Variants in C8A observed in about 807,000 individuals in gnomAD.
The protein encoded by C8A is complement C8 alpha chain.
Under a neutral mutation model 65.3 loss-of-function variants are expected in C8A, and 67 were observed. The ratio of observed to expected loss-of-function variants is 1.03; its 90% confidence interval spans 0.84 to 1.26. C8A has a LOEUF of 1.26. Among genes scored for constraint, C8A ranks in the 50% most tolerant of loss-of-function variants. The pLI, the probability that C8A is intolerant of heterozygous loss-of-function variation, is 0.00. For missense variants in C8A, 781 were observed against 723.9 expected (o/e 1.08, Z -0.90); for synonymous variants, 290 against 259.4 (o/e 1.12, Z -1.13).
intron 7 of C8A, 46 bp downstream of exon 7, chr1:56,886,213 C>T (rs777586763): frequency 6.2e-7 from 1 of 1,611,054 alleles, no homozygotes; most frequent in Non-Finnish European, 8.5e-7. Flanking sequence ...AACACAGACA[C>T]CAGGTCATGG....
At chr1:56,899,540 A>C (rs946800102) in intron 7 of C8A, among the ~76,000 whole-genome samples, 2 of 152,172 alleles carry the variant, frequency 1.3e-5, no homozygotes, top group Non-Finnish European at 2.9e-5. Context: ...GAATATCTCC[A>C]CCCAGTACAT....
chr1:56,868,052 G>C (rs1421301808), intron 2 of C8A, among the ~76,000 whole-genome samples: 2 of 152,054 alleles, frequency 1.3e-5, no homozygotes, highest in African/African-American at 2.4e-5. Context: ...AAAATACAAA[G>C]CTGCCCATGA....
At chr1:56,884,561 A>G (rs765668221) in intron 6 of C8A, among the ~76,000 whole-genome samples, 6 of 152,216 alleles carry the variant, frequency 3.9e-5, no homozygotes, top group Non-Finnish European at 8.8e-5. Context: ...CCAAAGAATT[A>G]GCTATTGAGC....
chr1:56,863,974 T>G (rs1444686766), intron 1 of C8A, among the ~76,000 whole-genome samples: 1 of 152,006 alleles, frequency 6.6e-6, no homozygotes, highest in African/African-American at 2.4e-5. Flanking sequence ...CTGAGCACTT[T>G]CCATGGGTCT....
Position 56,855,049 on chromosome 1 carries a change from T to C in C8A, c.77+71T>C, listed in dbSNP as rs188012019. ...CTGCTGGGGAACTAAGACACTTTTA[T>C]GTTTGCAGCAGAGGCTGTGTTAGAA... On this transcript the variant is annotated intron_variant, in intron 1 of 10. Coordinates refer to ENST00000361249, the MANE Select transcript of C8A (RefSeq NM_000562.3). 6.9e-4 allele frequency: 780 copies of C among 1,127,744 alleles called. 1 individual carries two copies. The highest frequency in any genetic ancestry group is 9.5e-4 in the Non-Finnish European group (705 of 742,938). 69.9% of individuals were successfully genotyped at this position (1,127,744 alleles called of 1,614,324 possible).
At chr1:56,878,826 T>C (rs1346641653) in intron 4 of C8A, among the ~76,000 whole-genome samples, 1 of 152,202 alleles carries the variant, frequency 6.6e-6, no homozygotes, top group Non-Finnish European at 1.5e-5. Flanking sequence ...AAAAACTGCA[T>C]TGACAATATG....
At chr1:56,883,811 C>T in intron 6 of C8A, 130 bp downstream of exon 6, 1 of 755,368 alleles carries the variant, frequency 1.3e-6, no homozygotes, top group Non-Finnish European at 2.2e-6. Flanking sequence ...AATGTCTGAT[C>T]AGTGGTAATC....
intron 7 of C8A, among the ~76,000 whole-genome samples, chr1:56,898,755 C>A (rs932595165): frequency 7.9e-5 from 12 of 152,066 alleles, no homozygotes; most frequent in African/African-American, 2.7e-4. Context: ...GAGCATGGCC[C>A]ACAGCAGAGA....
rs1553175628 is a variant in C8A, at chr1:56,885,420, A to ATT, written c.856-506_856-505insTT. Among the ~76,000 whole-genome samples, 3 of 85,930 alleles carry ATT rather than the reference A, an allele frequency of 3.5e-5. 1 individual carries two copies. Among genetic ancestry groups the ATT allele is most frequent in the South Asian group, 8.7e-4 (2 of 2,306 alleles). 56.4% of individuals were successfully genotyped at this position (85,930 alleles called of 152,430 possible). A position where few individuals can be genotyped will look rare whatever the true frequency, so the allele number is the denominator to read the frequency against. On this transcript the variant is annotated intron_variant, in intron 6 of 10. Transcript: ENST00000361249. ...AATAAATATATATTTATTTAAATATATATTTAAATATATATTTAAGTAAAT... is the reference window on the plus strand; with the variant it reads ...AATAAATATATATTTATTTAAATATATTTATTTAAATATATATTTAAGTAAAT...
chr1:56,854,980 T>G lies in C8A; in HGVS notation c.77+2T>G. The G allele has an allele frequency of 1.9e-6, 3 of 1,611,902 alleles. No homozygotes were observed. Among genetic ancestry groups the G allele is most frequent in the East Asian group, 2.2e-5 (1 of 44,854 alleles). ...AACTGCACAGGAGAAGGTGAACCAG[T>G]AAGTGGGCCATATGTCTCTGCAAAA... On this transcript the variant is annotated splice_donor_variant, in intron 1 of 10. Coordinates refer to ENST00000361249, the MANE Select transcript of C8A (RefSeq NM_000562.3). LOFTEE classifies it high-confidence loss of function.
In C8A at chr1:56,887,983, G is replaced by A. The variant is rs568561655; in HGVS notation, c.1096+1816G>A. On this transcript the variant is annotated intron_variant, in intron 7 of 10. Coordinates refer to ENST00000361249, the MANE Select transcript of C8A (RefSeq NM_000562.3). ...GAATATCACACACCAGGGCCTGTCG[G>A]GGATGGGGGGCTAGGGGAGGGATAG... 2.0e-3 allele frequency among the ~76,000 whole-genome samples: 303 copies of A among 152,222 alleles called. 1 individual carries two copies. Among genetic ancestry groups the A allele is most frequent in the Non-Finnish European group, 3.5e-3 (238 of 68,002 alleles).
chr1:56,909,181 A>G (rs1292819815), intron 9 of C8A, among the ~76,000 whole-genome samples: 1 of 152,206 alleles, frequency 6.6e-6, no homozygotes, highest in Non-Finnish European at 1.5e-5. Context: ...TTGCCAAACT[A>G]TTTCTGTCCA....
chr1:56,875,676 G>C (rs1007267377), intron 3 of C8A, among the ~76,000 whole-genome samples: 22 of 152,154 alleles, frequency 1.4e-4, no homozygotes, highest in Non-Finnish European at 1.5e-5. Flanking sequence ...AATGTTTGCA[G>C]CATCAGGGCT....
rs1266496789 is a variant in C8A, at chr1:56,917,937, A to G, written c.*221A>G. The stretch of plus-strand genomic sequence containing the variant: ...ATTCAGCAACTGGATGTTGACTGTT[A>G]ACTAGAAGCTCTGTCCTACTTACAG... On this transcript the variant is annotated 3_prime_UTR_variant, in exon 11 of 11. Transcript: ENST00000361249. The G allele has an allele frequency of 1.8e-6, 1 of 552,572 alleles. No individual in the cohort carries two copies. The highest frequency in any genetic ancestry group is 3.1e-5 in the Admixed American group (1 of 31,826). The allele number at this position is 552,572 out of a possible 1,614,324, so 34.2% of individuals were successfully genotyped here. A position where few individuals can be genotyped will look rare whatever the true frequency, so the allele number is the denominator to read the frequency against.
At chr1:56,877,369 C>G (rs908893068) in intron 4 of C8A, among the ~76,000 whole-genome samples, 5 of 152,050 alleles carry the variant, frequency 3.3e-5, no homozygotes, top group African/African-American at 1.2e-4. Context: ...TGACTTAGTC[C>G]CCTCCCATTG....
chr1:56,872,732 G>T (rs561813509), intron 2 of C8A, among the ~76,000 whole-genome samples: 1 of 152,102 alleles, frequency 6.6e-6, no homozygotes, highest in African/African-American at 2.4e-5. Context: ...AGATATATTT[G>T]GCTGAAGTCA....
chr1:56,917,210 C>T (rs1644559439), intron 10 of C8A, among the ~76,000 whole-genome samples: 1 of 152,212 alleles, frequency 6.6e-6, no homozygotes. Context: ...TCTTGGCTGG[C>T]TACCTGAAGG....
chr1:56,861,046 G>A (rs932224888), intron 1 of C8A, among the ~76,000 whole-genome samples: 9 of 152,206 alleles, frequency 5.9e-5, no homozygotes, highest in Admixed American at 3.3e-4. Context: ...TTGGCTCATG[G>A]TTGTGCAAGT....
At chr1:56,903,383 C>T (rs563660794) in intron 7 of C8A, among the ~76,000 whole-genome samples, 82 of 152,238 alleles carry the variant, frequency 5.4e-4, no homozygotes, top group African/African-American at 1.8e-3. Context: ...TGTTTGCTTC[C>T]CCTTCTTCCA....
Sources: gnomAD v4.1 joint callset for allele counts (sites outside exome capture counted in the v4.1 genomes callset) on GRCh38, gnomAD v4.1.1 for gene constraint, MANE v1.5 for transcripts, NCBI Gene and HGNC (gene_info 2026-07-23, HGNC 2026-07-21) for gene names.